The following SDK2 variants were observed in gnomAD, a reference collection of about 807,000 sequenced individuals.
SDK2 encodes the protein protein sidekick-2.
SDK2 carries 105 observed loss-of-function variants against 253.9 expected under a neutral mutation model. The ratio of observed to expected loss-of-function variants is 0.41; its 90% CI spans 0.35 to 0.49. The LOEUF (loss-of-function observed/expected upper bound fraction) is 0.49, where lower values mean the gene tolerates loss of function less well. Ranked by LOEUF, SDK2 falls within the 20% of genes least tolerant of loss-of-function variation. SDK2 has a pLI of 0.06. For missense variants in SDK2, 2,608 were observed against 3,003.0 expected (o/e 0.87, Z 3.07); for synonymous variants, 1,249 against 1,234.9 (o/e 1.01, Z -0.24).
intron 1 of SDK2, among the ~76,000 whole-genome samples, chr17:73,561,022 C>T (rs957871532): frequency 2.6e-5 from 4 of 152,186 alleles, no homozygotes; most frequent in African/African-American, 9.7e-5. Flanking sequence ...GGACCCCCTC[C>T]TCACCCCACT....
Position 73,498,660 on chromosome 17 carries a change from A to G in SDK2, c.224+8778T>C, listed in dbSNP as rs535703291. Among the ~76,000 whole-genome samples, 15 of 152,354 alleles carry G rather than the reference A, an allele frequency of 9.8e-5. No individual in the cohort carries two copies. The East Asian group carries it at 1.9e-3, about 20-fold the overall frequency. On this transcript the variant is annotated intron_variant, in intron 2 of 44. Coordinates refer to ENST00000392650, the MANE Select transcript of SDK2 (RefSeq NM_001144952.2). ...ACCTGAGCCTTTGTGTTCCTCATGTATCAAGACGCCTCTCCTTATAGGAGT... is the reference window on the plus strand; with the variant it reads ...ACCTGAGCCTTTGTGTTCCTCATGTGTCAAGACGCCTCTCCTTATAGGAGT...
Position 73,574,714 on chromosome 17 carries a change from C to T in SDK2, c.65-67117G>A, listed in dbSNP as rs2045434975. ...TGCTTCCTTCCTAAACATTTAATGCCATACTGGCCTTCTCCACCTCTCTAG... is the reference window on the plus strand; with the variant it reads ...TGCTTCCTTCCTAAACATTTAATGCTATACTGGCCTTCTCCACCTCTCTAG... On this transcript the variant is annotated intron_variant, in intron 1 of 44. Transcript: ENST00000392650. 2.0e-5 allele frequency among the ~76,000 whole-genome samples: 3 copies of T among 152,212 alleles called. No homozygotes were observed. The South Asian group carries it at 6.2e-4, about 32-fold the overall frequency.
chr17:73,458,953 G>A (rs919676208), intron 3 of SDK2, among the ~76,000 whole-genome samples: 2 of 152,194 alleles, frequency 1.3e-5, no homozygotes, highest in Non-Finnish European at 2.9e-5. Flanking sequence ...GCGGTGAGCC[G>A]AGATGGGGTC....
In SDK2 at chr17:73,435,547, C is replaced by G. The variant is rs767400675; in HGVS notation, c.1098G>C (p.Gln366His). 6.3e-7 allele frequency: 1 copy of G among 1,595,630 alleles called. No individual in the cohort carries two copies. Among genetic ancestry groups the G allele is most frequent in the Non-Finnish European group, 8.5e-7 (1 of 1,171,536 alleles). The change falls in exon 9 of 45, where the codon CAG becomes CAC. Residue 366 changes from glutamine to histidine, a missense_variant. Around this residue, in one of 2 missense-constraint regions of SDK2, gnomAD observed 1,505 missense variants for 1,859.1 expected, o/e 0.81. Coordinates refer to ENST00000392650, the MANE Select transcript of SDK2 (RefSeq NM_001144952.2). The surrounding 1 kb of genome is among the most constrained non-coding windows in gnomAD (Gnocchi z 5.7). ...TATCATCGGGCACCAGGCCGCTGAT[C>G]TGCAGGCCCCCGTCGTTGCGCTGCC... ...RFRQRNDGGL[Q>H]ISGLVPDDTG...
intron 36 of SDK2, 68 bp from the exon 37 acceptor site, chr17:73,368,661 A>G: frequency 7.5e-7 from 1 of 1,326,598 alleles, no homozygotes; most frequent in Non-Finnish European, 1.0e-6. Context: ...GTCCCTGCTG[A>G]CCTGTAGTCT....
At chr17:73,619,558 C>T (rs1024634890) in intron 1 of SDK2, among the ~76,000 whole-genome samples, 2 of 152,138 alleles carry the variant, frequency 1.3e-5, no homozygotes, top group African/African-American at 4.8e-5. Context: ...TGAACCTGAA[C>T]CCCTACCTCA....
chr17:73,384,759 T>C (rs1327459966), intron 32 of SDK2, among the ~76,000 whole-genome samples: 5 of 152,202 alleles, frequency 3.3e-5, no homozygotes, highest in African/African-American at 9.6e-5. Flanking sequence ...GAGGTTGCAG[T>C]GAGCCAAGAT....
At position 73,338,858 on chromosome 17, in the gene SDK2, T is replaced by C. The variant is rs762853350; in HGVS notation, c.6248A>G (p.Tyr2083Cys). 2.5e-6 allele frequency: 4 copies of C among 1,613,898 alleles called. No homozygotes were observed. Among genetic ancestry groups the C allele is most frequent in the Non-Finnish European group, 2.5e-6 (3 of 1,179,876 alleles). The change falls in exon 45 of 45, where the codon TAC (tyrosine) becomes TGC (cysteine). Residue 2083 changes from tyrosine to cysteine, a missense_variant. Coordinates refer to ENST00000392650, the MANE Select transcript of SDK2 (RefSeq NM_001144952.2). This position sits in a 1 kb window ranked among gnomAD's most constrained non-coding sequence, Gnocchi z 5.0. The part of the protein sequence containing the change: ...FVNHYISDPT[Y>C]YNSWRRQQKG... ...CTGCTGTCGCCGCCACGAGTTGTAG[T>C]ATGTGGGGTCACTGATGTAGTGGTT...
intron 36 of SDK2, among the ~76,000 whole-genome samples, chr17:73,373,520 A>G (rs750134299): frequency 3.9e-5 from 6 of 151,952 alleles, no homozygotes; most frequent in Middle Eastern, 3.4e-3. Context: ...GCTTACCACC[A>G]CTTATCTCTA....
chr17:73,572,977 G>A (rs9907929), intron 1 of SDK2, among the ~76,000 whole-genome samples: 34,330 of 152,120 alleles, frequency 0.23, 4,708 homozygotes, highest in African/African-American at 0.38. Flanking sequence ...CAGAGCACAG[G>A]TGTCTAGTGT....
At chr17:73,561,908 C>A (rs933195104) in intron 1 of SDK2, among the ~76,000 whole-genome samples, 1 of 152,102 alleles carries the variant, frequency 6.6e-6, no homozygotes, top group East Asian at 1.9e-4. Flanking sequence ...GGTGGATCAC[C>A]TGAGGTCAGG....
chr17:73,437,685 G>A, intron 8 of SDK2, 54 bp downstream of exon 8: 6 of 1,390,986 alleles, frequency 4.3e-6, no homozygotes, highest in Non-Finnish European at 6.1e-6. Context: ...ATGAGGATGG[G>A]AGAGGCTGAA....
intron 2 of SDK2, among the ~76,000 whole-genome samples, chr17:73,506,587 T>C (rs1389374295): frequency 1.3e-5 from 2 of 152,196 alleles, no homozygotes; most frequent in East Asian, 3.9e-4. Flanking sequence ...AGCAGATTTG[T>C]GTCAACATCC....
At position 73,378,856 on chromosome 17, in the gene SDK2, G is replaced by T. The variant is rs530289447; in HGVS notation, c.4980+321C>A. Reference sequence around the variant, plus strand: ...GTCTTAAGTTATGTATGGGGTTGGGGGCTGGTGGGGAGGGATGTGTGTGCT... The same window carrying T: ...GTCTTAAGTTATGTATGGGGTTGGGTGCTGGTGGGGAGGGATGTGTGTGCT... On this transcript the variant is annotated intron_variant, in intron 36 of 44. Coordinates refer to ENST00000392650, the MANE Select transcript of SDK2 (RefSeq NM_001144952.2). Among the ~76,000 whole-genome samples, 6 of 152,332 alleles carry T rather than the reference G, an allele frequency of 3.9e-5. No homozygotes were observed. In the East Asian group the frequency reaches 1.2e-3, roughly 29 times the overall value.
chr17:73,397,334 G>A (rs993670276), intron 24 of SDK2, among the ~76,000 whole-genome samples: 13 of 152,206 alleles, frequency 8.5e-5, no homozygotes, highest in Admixed American at 2.0e-4. Flanking sequence ...AGGATGAGAC[G>A]GCAGTGTGCC....
Position 73,390,286 on chromosome 17 carries a change from C to T in SDK2, c.4192+1G>A. 6.4e-7 allele frequency: 1 copy of T among 1,572,928 alleles called. No homozygotes were observed. The highest frequency in any genetic ancestry group is 8.6e-7 in the Non-Finnish European group (1 of 1,163,082). On this transcript the variant is annotated splice_donor_variant, in intron 29 of 44. Coordinates refer to ENST00000392650, the MANE Select transcript of SDK2 (RefSeq NM_001144952.2). LOFTEE classifies it high-confidence loss of function. The stretch of plus-strand genomic sequence containing the variant: ...CTTCCCTGGCCCCCGTGGGCAGTCA[C>T]CTCTCTTCTCGGTGGTCACCACCAA...
chr17:73,553,575 G>T (rs775657724), intron 1 of SDK2, among the ~76,000 whole-genome samples: 22 of 151,478 alleles, frequency 1.5e-4, no homozygotes, highest in African/African-American at 3.6e-4. Context: ...GGAAGGACAG[G>T]GGGGGACAGA....
At chr17:73,621,834 G>A (rs933952336) in intron 1 of SDK2, among the ~76,000 whole-genome samples, 3 of 152,144 alleles carry the variant, frequency 2.0e-5, no homozygotes, top group Admixed American at 6.5e-5. Flanking sequence ...AGGTGTTAGT[G>A]AAGCTCAAGA....
At chr17:73,500,206 C>T (rs2063877061) in intron 2 of SDK2, among the ~76,000 whole-genome samples, 1 of 147,424 alleles carries the variant, frequency 6.8e-6, no homozygotes, top group Non-Finnish European at 1.5e-5. Flanking sequence ...CATCCATCCT[C>T]CCTCCATCTC....
Sources: allele counts gnomAD v4.1 joint callset (sites outside exome capture counted in the v4.1 genomes callset), GRCh38; gene constraint gnomAD v4.1.1; regional missense constraint gnomAD v4.1.1; non-coding constraint Gnocchi (gnomAD v3.1); transcripts MANE v1.5; gene names NCBI Gene and HGNC (gene_info 2026-07-23, HGNC 2026-07-21).